Variants in ECT2L observed in about 807,000 individuals in gnomAD.
The protein encoded by ECT2L is epithelial cell-transforming sequence 2 oncogene-like.
Under a neutral mutation model 122.8 loss-of-function variants are expected in ECT2L, and 126 were observed. That is an observed-to-expected ratio of 1.03 (90% CI 0.89 to 1.19). The LOEUF (loss-of-function observed/expected upper bound fraction) is 1.19, where lower values mean the gene tolerates loss of function less well. ECT2L is among the 50% of genes most tolerant of loss of function. The probability of loss-of-function intolerance (pLI) is 0.00; values close to 1 mark genes in which losing one functional copy is unlikely to be tolerated. For missense variants in ECT2L, 1,012 were observed against 1,064.1 expected (o/e 0.95, Z 0.68); for synonymous variants, 385 against 381.8 (o/e 1.01, Z -0.10).
rs1012941451 is a variant in ECT2L at position 138,813,465 on chromosome 6, A to C, written c.66+125A>C. 21 of 700,444 alleles carry C rather than the reference A, an allele frequency of 3.0e-5. No homozygotes were observed. The Admixed American group carries it at 6.6e-4, about 22-fold the overall frequency. The allele number at this position is 700,444 out of a possible 1,614,324, so 43.4% of individuals were successfully genotyped here. On this transcript the variant is annotated intron_variant, in intron 3 of 21. Transcript: ENST00000541398. ...TCTAAAGAATTTAGCTTTTCAGTTT[A>C]AACAAAAATAAACTTAGCTTTGTCC...
chr6:138,898,098 C>T (rs746418915), intron 20 of ECT2L, among the ~76,000 whole-genome samples: 1 of 151,916 alleles, frequency 6.6e-6, no homozygotes, highest in Non-Finnish European at 1.5e-5. Flanking sequence ...CCCAAAAAAG[C>T]AAGACCATGG....
At chr6:138,878,298 T>C (rs996905692) in intron 14 of ECT2L, among the ~76,000 whole-genome samples, 2 of 101,250 alleles carry the variant, frequency 2.0e-5, no homozygotes, top group African/African-American at 7.6e-5. Context: ...TTTAGATACA[T>C]ATATATATAC....
chr6:138,901,167 T>C lies in ECT2L; in HGVS notation c.2587+47T>C, dbSNP rs1343389343. 2.5e-6 allele frequency: 4 copies of C among 1,581,248 alleles called. No homozygotes were observed. The East Asian group carries it at 6.7e-5, about 27-fold the overall frequency. ...AGAGACAGATACCTTCAAAAAGCTA[T>C]ATAATGTAAAGCTCTTTAACAGAAC... On this transcript the variant is annotated intron_variant, in intron 21 of 21. Coordinates refer to ENST00000541398, the MANE Select transcript of ECT2L (RefSeq NM_001077706.3).
intron 16 of ECT2L, 69 bp from the exon 17 acceptor site, chr6:138,885,437 T>C (rs541752697): frequency 7.0e-5 from 104 of 1,482,948 alleles, no homozygotes; most frequent in Non-Finnish European, 9.5e-5. Context: ...TAGATCATGC[T>C]TGCTCAGTGG....
intron 14 of ECT2L, chr6:138,878,996 C>T (rs1260450881): frequency 6.2e-6 from 1 of 161,446 alleles, no homozygotes. Context: ...AGAATGCAGT[C>T]TTGGTCTGTA....
chr6:138,869,168 A>AAAAAAG (rs1385685794), intron 13 of ECT2L, among the ~76,000 whole-genome samples: 6 of 152,226 alleles, frequency 3.9e-5, no homozygotes, highest in Non-Finnish European at 7.3e-5. Context: ...CTCTGTCTCA[A>AAAAAAG]AAAAAGAAAA....
At chr6:138,858,590 C>T (rs1461502876) in intron 10 of ECT2L, among the ~76,000 whole-genome samples, 1 of 151,954 alleles carries the variant, frequency 6.6e-6, no homozygotes, top group East Asian at 1.9e-4. Context: ...CCAAAAGTTT[C>T]CTCATGCCAT....
At chr6:138,798,242 CAACTT>C (rs568189645) in intron 1 of ECT2L, among the ~76,000 whole-genome samples, 6 of 152,298 alleles carry the variant, frequency 3.9e-5, no homozygotes, top group African/African-American at 1.4e-4. Flanking sequence ...GGTGATCACT[CAACTT>C]GAGCCCTTCT....
intron 21 of ECT2L, 69 bp from the exon 22 acceptor site, chr6:138,902,431 A>G (rs1779433238): frequency 7.0e-7 from 1 of 1,434,854 alleles, no homozygotes; most frequent in Non-Finnish European, 9.5e-7. Flanking sequence ...ATTTTTGAGT[A>G]TTAACATTTT....
chr6:138,828,813 T>C lies in ECT2L; in HGVS notation c.180-9539T>C, dbSNP rs540584504. On this transcript the variant is annotated intron_variant, in intron 4 of 21. Coordinates refer to ENST00000541398, the MANE Select transcript of ECT2L (RefSeq NM_001077706.3). ...CCAAAATTGATCACTGAGTTCTTTG[T>C]AGTATTATAAACTCATGAACTTAAG... is the stretch of plus-strand genomic sequence containing the variant. Among the ~76,000 whole-genome samples, 39 of 152,326 alleles carry C rather than the reference T, an allele frequency of 2.6e-4. 1 individual carries two copies. In the South Asian group the frequency reaches 7.5e-3, roughly 29 times the overall value.
chr6:138,899,107 T>G (rs1779310052), intron 20 of ECT2L, among the ~76,000 whole-genome samples: 2 of 151,940 alleles, frequency 1.3e-5, no homozygotes, highest in South Asian at 4.2e-4. Flanking sequence ...GGACTTTGTT[T>G]CTATGTAAGA....
intron 5 of ECT2L, among the ~76,000 whole-genome samples, chr6:138,839,630 C>T (rs1403844515): frequency 6.6e-6 from 1 of 152,352 alleles, no homozygotes; most frequent in East Asian, 1.9e-4. Flanking sequence ...TCCCATAGTA[C>T]TGGGATTACA....
chr6:138,862,518 T>TG, intron 10 of ECT2L, 109 bp from the exon 11 acceptor site: 1 of 1,063,656 alleles, frequency 9.4e-7, no homozygotes, highest in Non-Finnish European at 1.4e-6. Flanking sequence ...CCTCCAACGT[T>TG]GGGGATTAGA....
chr6:138,879,180 G>T, intron 14 of ECT2L: 2 of 278,860 alleles, frequency 7.2e-6, no homozygotes, highest in Non-Finnish European at 1.5e-5. Flanking sequence ...GACAAGCCTT[G>T]CTATTCACAA....
chr6:138,895,294 G>A (rs1318551647), intron 20 of ECT2L, among the ~76,000 whole-genome samples: 7 of 152,024 alleles, frequency 4.6e-5, no homozygotes, highest in Non-Finnish European at 8.8e-5. Context: ...ACTCATATAA[G>A]GCTTTACTCT....
At chr6:138,812,529 T>C (rs940816494) in intron 1 of ECT2L, among the ~76,000 whole-genome samples, 1 of 152,200 alleles carries the variant, frequency 6.6e-6, no homozygotes, top group Non-Finnish European at 1.5e-5. Context: ...TTCAGACAGA[T>C]GCAGTGGCTC....
chr6:138,889,438 G>A (rs1026237747), intron 20 of ECT2L, among the ~76,000 whole-genome samples: 2 of 151,982 alleles, frequency 1.3e-5, no homozygotes, highest in Non-Finnish European at 2.9e-5. Context: ...TCCTGCGTCA[G>A]CCTTCCAAGT....
At chr6:138,840,966 A>G (rs1327426310) in intron 5 of ECT2L, among the ~76,000 whole-genome samples, 2 of 152,056 alleles carry the variant, frequency 1.3e-5, no homozygotes, top group African/African-American at 4.8e-5. Flanking sequence ...TGTGACCTTC[A>G]GTATTTCAGT....
chr6:138,831,993 G>C (rs1247747797), intron 4 of ECT2L, among the ~76,000 whole-genome samples: 1 of 151,942 alleles, frequency 6.6e-6, no homozygotes, highest in Non-Finnish European at 1.5e-5. Flanking sequence ...CTCTCCTATG[G>C]ATAATAGTGC....
Sources: allele counts gnomAD v4.1 joint callset (sites outside exome capture counted in the v4.1 genomes callset), GRCh38; gene constraint gnomAD v4.1.1; transcripts MANE v1.5; gene names NCBI Gene and HGNC (gene_info 2026-07-23, HGNC 2026-07-21).